The following PARG variants were observed in gnomAD, a reference collection of about 807,000 sequenced individuals.
The protein encoded by PARG is poly(ADP-ribose) glycohydrolase, also known as mitochondrial poly(ADP-ribose) glycohydrolase.
Under a neutral mutation model 113.0 loss-of-function variants are expected in PARG, and 35 were observed. The observed-to-expected ratio is 0.31, with a 90% confidence interval of 0.24 to 0.41. PARG has a LOEUF of 0.41. Ranked by LOEUF, PARG falls within the 10% of genes least tolerant of loss-of-function variation. The pLI is 1.00. For synonymous variants in PARG, 330 were observed against 409.9 expected (o/e 0.81, Z 2.36); for missense variants, 797 against 1,169.4 (o/e 0.68, Z 4.64).
chr10:49,897,245 A>C (rs1195874457), intron 7 of PARG, among the ~76,000 whole-genome samples: 1 of 151,102 alleles, frequency 6.6e-6, no homozygotes, highest in Non-Finnish European at 1.5e-5. Context: ...TCTTGCAGAG[A>C]TGTGGTCAGA....
At chr10:49,926,594 G>C (rs1838178030) in intron 4 of PARG, among the ~76,000 whole-genome samples, 1 of 152,150 alleles carries the variant, frequency 6.6e-6, no homozygotes, top group African/African-American at 2.4e-5. Context: ...TTCTTCCTGA[G>C]GGGCCTGGAG....
chr10:49,941,397 G>GTGACGA, intron 1 of PARG, 112 bp downstream of exon 1: 3 of 896,126 alleles, frequency 3.3e-6, no homozygotes, highest in Non-Finnish European at 5.4e-6. Flanking sequence ...GACCTCAAGA[G>GTGACGA]TGACGATGCA....
At chr10:49,917,644 GA>G (rs1317626171) in intron 6 of PARG, among the ~76,000 whole-genome samples, 5 of 151,426 alleles carry the variant, frequency 3.3e-5, no homozygotes, top group African/African-American at 1.2e-4. Context: ...AACATGACAA[GA>G]CCCCTAGAAA....
chr10:49,891,477 C>T (rs1273199366), intron 7 of PARG, among the ~76,000 whole-genome samples: 6 of 149,212 alleles, frequency 4.0e-5, no homozygotes. Context: ...TAAAAAAAAT[C>T]AAAATCTATA....
chr10:49,841,850 G>A, intron 15 of PARG, 100 bp downstream of exon 15: 2 of 747,390 alleles, frequency 2.7e-6, no homozygotes, highest in Non-Finnish European at 4.6e-6. Context: ...CAGACATACT[G>A]ACACTGCAAT....
At chr10:49,866,426 A>T (rs1282243188) in intron 10 of PARG, among the ~76,000 whole-genome samples, 7 of 152,030 alleles carry the variant, frequency 4.6e-5, no homozygotes, top group Admixed American at 4.6e-4. Context: ...AGTAGAAAAC[A>T]AATTTTTTTG....
At position 49,842,078 on chromosome 10, in the gene PARG, G is replaced by A. The variant is rs1451160911; in HGVS notation, c.2433-20C>T. On this transcript the variant is annotated intron_variant, in intron 14 of 17. Coordinates refer to ENST00000616448, the MANE Select transcript of PARG (RefSeq NM_003631.5). Reference sequence around the variant, plus strand: ...TCGTCCCTGGGACAGGAAGGAAAGGGGAGAAAAGATAAGGAACAGGTAGTC... The same window carrying A: ...TCGTCCCTGGGACAGGAAGGAAAGGAGAGAAAAGATAAGGAACAGGTAGTC... The A allele has an allele frequency of 1.8e-5, 27 of 1,503,618 alleles. No homozygotes were observed. Among genetic ancestry groups the A allele is most frequent in the Non-Finnish European group, 2.4e-5 (26 of 1,105,826 alleles). 93.1% of individuals were successfully genotyped at this position (1,503,618 alleles called of 1,614,324 possible).
intron 7 of PARG, among the ~76,000 whole-genome samples, chr10:49,912,942 C>T (rs1837281735): frequency 6.6e-6 from 1 of 152,204 alleles, no homozygotes; most frequent in South Asian, 2.1e-4. Context: ...GCACTATAGC[C>T]TGGCTTTAAA....
chr10:49,914,999 T>A, intron 7 of PARG, among the ~76,000 whole-genome samples: 1 of 152,034 alleles, frequency 6.6e-6, no homozygotes, highest in East Asian at 1.9e-4. Flanking sequence ...TATACAAAAA[T>A]TAACACAAAA....
At chr10:49,833,772 A>G (rs1285975947) in intron 15 of PARG, among the ~76,000 whole-genome samples, 1 of 152,212 alleles carries the variant, frequency 6.6e-6, no homozygotes, top group Non-Finnish European at 1.5e-5. Context: ...TTAATACAGC[A>G]GCAAAGCAAA....
At chr10:49,887,977 G>A (rs1399072581) in intron 7 of PARG, among the ~76,000 whole-genome samples, 15 of 151,952 alleles carry the variant, frequency 9.9e-5, no homozygotes, top group Non-Finnish European at 2.1e-4. Flanking sequence ...TGGGTTACTT[G>A]AACATAGTTT....
chr10:49,866,695 G>T (rs1554836962), intron 10 of PARG, among the ~76,000 whole-genome samples: 2 of 152,058 alleles, frequency 1.3e-5, no homozygotes, highest in Admixed American at 1.3e-4. Flanking sequence ...TGGTTTCTTA[G>T]ATTAACAAAA....
At chr10:49,936,583 A>G (rs1838750472) in intron 1 of PARG, among the ~76,000 whole-genome samples, 1 of 152,224 alleles carries the variant, frequency 6.6e-6, no homozygotes, top group Non-Finnish European at 1.5e-5. Context: ...GTCAAAATTT[A>G]ATATACTGAA....
chr10:49,873,354 T>G (rs1440004865), intron 9 of PARG, among the ~76,000 whole-genome samples: 1 of 118,174 alleles, frequency 8.5e-6, no homozygotes, highest in Non-Finnish European at 1.7e-5. Flanking sequence ...ATAATCAGCT[T>G]AACAAATGGC....
chr10:49,876,940 TA>T (rs544298585), intron 9 of PARG, among the ~76,000 whole-genome samples: 10,572 of 145,616 alleles, frequency 0.073, 502 homozygotes, highest in African/African-American at 0.13. Flanking sequence ...ATATTATATA[TA>T]AAAAAAAAAA....
intron 16 of PARG, among the ~76,000 whole-genome samples, chr10:49,820,840 T>C (rs1844038753): frequency 6.6e-6 from 1 of 152,164 alleles, no homozygotes; most frequent in Non-Finnish European, 1.5e-5. Flanking sequence ...ACAGGCACCT[T>C]TGCTGAACCA....
Position 49,882,083 on chromosome 10 carries a change from A to C in PARG, c.1831-2253T>G, listed in dbSNP as rs571133410. 8.1e-4 allele frequency among the ~76,000 whole-genome samples: 124 copies of C among 152,336 alleles called. 1 individual carries two copies. Among genetic ancestry groups the C allele is most frequent in the African/African-American group, 2.8e-3 (116 of 41,576 alleles). On this transcript the variant is annotated intron_variant, in intron 8 of 17. Transcript: ENST00000616448. ...TTCAGGATTAATGGACTTCAAACAC[A>C]AACATTTCCTGTCTCCCAAATAAAC...
At chr10:49,934,206 A>G (rs1838631648) in intron 2 of PARG, 43 bp from the exon 3 acceptor site, 2 of 804,292 alleles carry the variant, frequency 2.5e-6, no homozygotes, top group African/African-American at 3.4e-5. Context: ...TATAATACAA[A>G]AAAGTCACTT....
intron 1 of PARG, among the ~76,000 whole-genome samples, chr10:49,939,968 C>T (rs1838943483): frequency 6.6e-6 from 1 of 152,206 alleles, no homozygotes; most frequent in African/African-American, 2.4e-5. Context: ...CCAGGCTTTC[C>T]TCCCACCTCT....
Sources: gnomAD v4.1 joint callset for allele counts (sites outside exome capture counted in the v4.1 genomes callset) on GRCh38, gnomAD v4.1.1 for gene constraint, MANE v1.5 for transcripts, NCBI Gene and HGNC (gene_info 2026-07-23, HGNC 2026-07-21) for gene names.